ARHGAP15: variants seen among roughly 807,000 people sequenced by gnomAD.
The protein encoded by ARHGAP15 is Rho GTPase activating protein 15.
A neutral mutation model predicts 63.7 loss-of-function variants in ARHGAP15; 51 were observed. The ratio of observed to expected loss-of-function variants is 0.80; its 90% CI spans 0.64 to 1.01. The LOEUF is 1.01. ARHGAP15 is among the 50% of genes least tolerant of loss of function. ARHGAP15 has a pLI of 0.00. For missense variants in ARHGAP15, 560 were observed against 564.6 expected (o/e 0.99, Z 0.08); for synonymous variants, 191 against 193.8 (o/e 0.99, Z 0.12).
At chr2:143,179,918 T>A (rs961971569) in intron 2 of ARHGAP15, among the ~76,000 whole-genome samples, 4 of 151,706 alleles carry the variant, frequency 2.6e-5, no homozygotes, top group African/African-American at 9.7e-5. Context: ...TACCTTAATT[T>A]AAAGAAATAT....
intron 12 of ARHGAP15, among the ~76,000 whole-genome samples, chr2:143,628,517 G>A (rs931347101): frequency 1.3e-5 from 2 of 152,142 alleles, no homozygotes; most frequent in Non-Finnish European, 2.9e-5. Flanking sequence ...TCCCCAACCC[G>A]TTCACCCTTG....
intron 5 of ARHGAP15, among the ~76,000 whole-genome samples, chr2:143,246,813 T>C (rs1192656459): frequency 6.6e-6 from 1 of 151,704 alleles, no homozygotes; most frequent in African/African-American, 2.4e-5. Context: ...GATAAGAAAA[T>C]CTCCAGAAAT....
intron 6 of ARHGAP15, among the ~76,000 whole-genome samples, chr2:143,335,263 ATCACTTTCCTCCT>A (rs1684721325): frequency 6.6e-6 from 1 of 152,196 alleles, no homozygotes; most frequent in African/African-American, 2.4e-5. Context: ...CAGTGAGAAA[ATCACTTTCCTCCT>A]TCAACTTTCT....
chr2:143,510,840 A>G (rs1693552179), intron 9 of ARHGAP15, among the ~76,000 whole-genome samples: 1 of 152,148 alleles, frequency 6.6e-6, no homozygotes, highest in South Asian at 2.1e-4. Flanking sequence ...TCCTTTTTGA[A>G]GTTTACTAGA....
At chr2:143,388,307 A>G (rs1439642017) in intron 6 of ARHGAP15, among the ~76,000 whole-genome samples, 1 of 152,240 alleles carries the variant, frequency 6.6e-6, no homozygotes, top group African/African-American at 2.4e-5. Context: ...AGTTGCTAAA[A>G]GAATTTTTCC....
At chr2:143,690,242 C>T (rs1351275301) in intron 12 of ARHGAP15, among the ~76,000 whole-genome samples, 1 of 152,242 alleles carries the variant, frequency 6.6e-6, no homozygotes, top group Non-Finnish European at 1.5e-5. Context: ...ATGTTACTCT[C>T]AGTCCCTGTT....
chr2:143,528,629 AC>A (rs1694391093), intron 10 of ARHGAP15, among the ~76,000 whole-genome samples: 1 of 152,108 alleles, frequency 6.6e-6, no homozygotes, highest in Admixed American at 6.6e-5. Flanking sequence ...CTCTGTAAAG[AC>A]GTTGAATATA....
At chr2:143,582,342 T>G (rs904077883) in intron 11 of ARHGAP15, among the ~76,000 whole-genome samples, 1 of 152,186 alleles carries the variant, frequency 6.6e-6, no homozygotes, top group African/African-American at 2.4e-5. Flanking sequence ...CCTGTTTCTG[T>G]GACAGTTCAT....
At chr2:143,356,667 C>T (rs1259698832) in intron 6 of ARHGAP15, among the ~76,000 whole-genome samples, 1 of 151,978 alleles carries the variant, frequency 6.6e-6, no homozygotes, top group African/African-American at 2.4e-5. Flanking sequence ...TTTAATATAC[C>T]CTCTCTGTTT....
chr2:143,575,189 A>C (rs1696629598), intron 11 of ARHGAP15, among the ~76,000 whole-genome samples: 1 of 152,162 alleles, frequency 6.6e-6, no homozygotes, highest in Admixed American at 6.6e-5. Context: ...TGTGTGTTGT[A>C]AAAACTGTGC....
intron 13 of ARHGAP15, among the ~76,000 whole-genome samples, chr2:143,753,713 A>C (rs997075303): frequency 1.3e-5 from 2 of 152,242 alleles, no homozygotes; most frequent in Non-Finnish European, 2.9e-5. Context: ...GTCAAATTTT[A>C]GATGGCCAAA....
chr2:143,741,627 C>G (rs892221069), intron 13 of ARHGAP15, among the ~76,000 whole-genome samples: 3 of 152,156 alleles, frequency 2.0e-5, no homozygotes, highest in Non-Finnish European at 2.9e-5. Flanking sequence ...GAGACTTGGG[C>G]CTTCAAGAAT....
chr2:143,473,102 CCAA>C (rs566056574), intron 8 of ARHGAP15, among the ~76,000 whole-genome samples: 49 of 152,282 alleles, frequency 3.2e-4, no homozygotes, highest in Middle Eastern at 3.4e-3. Context: ...AGTTTGCATT[CCAA>C]CAACATTTTA....
At chr2:143,435,484 G>GAAAAT in intron 6 of ARHGAP15, 117 bp from the exon 7 acceptor site, 1 of 1,337,636 alleles carries the variant, frequency 7.5e-7, no homozygotes, top group South Asian at 1.8e-5. Context: ...TGGAATACAA[G>GAAAAT]AAAATATTTC....
At chr2:143,192,780 G>A (rs1056872305) in intron 2 of ARHGAP15, among the ~76,000 whole-genome samples, 1 of 152,040 alleles carries the variant, frequency 6.6e-6, no homozygotes, top group African/African-American at 2.4e-5. Flanking sequence ...TGTTCTTTTT[G>A]CCTGATTTAT....
intron 6 of ARHGAP15, among the ~76,000 whole-genome samples, chr2:143,292,470 T>A (rs1682448064): frequency 6.6e-6 from 1 of 152,044 alleles, no homozygotes; most frequent in African/African-American, 2.4e-5. Flanking sequence ...TTTATTTATG[T>A]GTAAATATGC....
intron 6 of ARHGAP15, among the ~76,000 whole-genome samples, chr2:143,354,426 C>T (rs1685717518): frequency 6.6e-6 from 1 of 152,090 alleles, no homozygotes; most frequent in South Asian, 2.1e-4. Context: ...GTACTGTTGG[C>T]TTAGCTAGCA....
Position 143,609,474 on chromosome 2 carries a change from G to T in ARHGAP15, c.1004-14659G>T, listed in dbSNP as rs539938306. ...AATAATTACACATTGGGATAAATGC[G>T]TGTACATGTTTTTCTTTATGGGATT... On this transcript the variant is annotated intron_variant, in intron 11 of 13. Coordinates refer to ENST00000295095, the MANE Select transcript of ARHGAP15 (RefSeq NM_018460.4). 6.6e-5 allele frequency among the ~76,000 whole-genome samples: 10 copies of T among 152,258 alleles called. No homozygotes were observed. In the South Asian group the frequency reaches 2.1e-3, roughly 32 times the overall value.
intron 12 of ARHGAP15, among the ~76,000 whole-genome samples, chr2:143,701,056 G>T (rs1684067653): frequency 1.3e-5 from 2 of 151,808 alleles, no homozygotes; most frequent in South Asian, 4.2e-4. Flanking sequence ...TATTATGTTG[G>T]AACTCTTCTA....
Sources: gnomAD v4.1 joint callset for allele counts (sites outside exome capture counted in the v4.1 genomes callset) on GRCh38, gnomAD v4.1.1 for gene constraint, MANE v1.5 for transcripts, NCBI Gene and HGNC (gene_info 2026-07-23, HGNC 2026-07-21) for gene names.